The following TRAPPC9 variants were observed in gnomAD, a reference collection of about 807,000 sequenced individuals.
TRAPPC9 encodes IKK2 binding protein.
A neutral mutation model predicts 124.0 loss-of-function variants in TRAPPC9; 83 were observed. The observed-to-expected ratio is 0.67, with a 90% CI of 0.56 to 0.80. TRAPPC9 has a LOEUF of 0.80. Among genes scored for constraint, TRAPPC9 ranks in the 30% least tolerant of loss-of-function variants. The probability of loss-of-function intolerance (pLI) is 0.00; values close to 1 mark genes in which losing one functional copy is unlikely to be tolerated. For missense variants in TRAPPC9, 1,302 were observed against 1,508.3 expected, an observed-to-expected ratio of 0.86 and a Z score of 2.27; for synonymous variants, 638 against 617.5, an observed-to-expected ratio of 1.03 and a Z score of -0.49.
intron 19 of TRAPPC9, among the ~76,000 whole-genome samples, chr8:139,958,904 G>GGGAGCACTGCATTCCGA (rs1835175361): frequency 9.2e-6 from 1 of 109,104 alleles, no homozygotes; most frequent in Non-Finnish European, 2.2e-5. Flanking sequence ...AGTCACACAG[G>GGGAGCACTGCATTCCGA]GGAGCACTGC....
At chr8:139,806,629 C>T (rs1824080609) in intron 21 of TRAPPC9, among the ~76,000 whole-genome samples, 1 of 152,218 alleles carries the variant, frequency 6.6e-6, no homozygotes, top group Admixed American at 6.5e-5. Context: ...TCCTGAACCC[C>T]CATCCTGACT....
chr8:139,969,898 G>A lies in TRAPPC9; in HGVS notation c.2810+18828C>T, dbSNP rs565419107. On this transcript the variant is annotated intron_variant, in intron 19 of 22. Transcript: ENST00000438773. ...ATTATGTCAGCCTCATTTCACTTTG[G>A]TTTTGCCGCCAACAGTTCTAACAGG... is the stretch of plus-strand genomic sequence containing the variant. Among the ~76,000 whole-genome samples, 5 of 152,316 alleles carry A rather than the reference G, an allele frequency of 3.3e-5. No individual in the cohort carries two copies. The South Asian group carries it at 1.0e-3, about 32-fold the overall frequency.
At chr8:140,323,880 CT>C (rs2066665639) in intron 9 of TRAPPC9, among the ~76,000 whole-genome samples, 1 of 133,928 alleles carries the variant, frequency 7.5e-6, no homozygotes, top group Non-Finnish European at 1.6e-5. Flanking sequence ...AGGAAACAAA[CT>C]TTTTTAAAAA....
At chr8:140,046,527 T>G (rs111807282) in intron 17 of TRAPPC9, among the ~76,000 whole-genome samples, 3 of 152,352 alleles carry the variant, frequency 2.0e-5, no homozygotes, top group African/African-American at 7.2e-5. Flanking sequence ...AAGGAGCCCC[T>G]GCTGTCCACA....
At chr8:140,280,207 T>C (rs1232433448) in intron 14 of TRAPPC9, among the ~76,000 whole-genome samples, 2 of 152,336 alleles carry the variant, frequency 1.3e-5, no homozygotes, top group East Asian at 3.9e-4. Flanking sequence ...AGTCTGAGCG[T>C]CTGGCTGTTC....
At chr8:140,281,102 G>A (rs973831628) in intron 14 of TRAPPC9, among the ~76,000 whole-genome samples, 2 of 152,168 alleles carry the variant, frequency 1.3e-5, no homozygotes, top group African/African-American at 2.4e-5. Flanking sequence ...ATGAACACTC[G>A]CACACAGGTT....
intron 21 of TRAPPC9, among the ~76,000 whole-genome samples, chr8:139,740,751 G>A (rs1237537218): frequency 1.3e-5 from 2 of 152,234 alleles, no homozygotes; most frequent in Non-Finnish European, 2.9e-5. Context: ...TGGGGACGGG[G>A]CCCCAACTGG....
Position 140,370,999 on chromosome 8 carries a change from T to C in TRAPPC9, c.1316A>G (p.Tyr439Cys), listed in dbSNP as rs1273595223. Residue 439 changes from tyrosine (Y) to cysteine (C), a missense_variant, in exon 8 of 23, where the codon TAC becomes TGC. Physicochemically the swap from Tyr to Cys is radical, Grantham distance 194. Transcript: ENST00000438773. ...YKLLLETLPG[Y>C]SLSLDPKDFS... ...ATCTTTGGGATCCAGCGACAGACTG[T>C]AGCCGGGCAGCGTTTCCAGGAGGAG... 3.1e-6 allele frequency: 5 copies of C among 1,614,258 alleles called. No individual in the cohort carries two copies. The highest frequency in any genetic ancestry group is 2.2e-5 in the East Asian group (1 of 44,884).
intron 15 of TRAPPC9, chr8:140,262,509 A>C (rs984150664): frequency 6.7e-6 from 1 of 149,378 alleles, no homozygotes; most frequent in Non-Finnish European, 1.5e-5. Flanking sequence ...AGCCGCTGCA[A>C]TTGTGTATAC....
chr8:139,931,123 T>C (rs1833116327), intron 19 of TRAPPC9: 1 of 152,150 alleles, frequency 6.6e-6, no homozygotes, highest in South Asian at 2.1e-4. Context: ...ACCCCACCTC[T>C]ATAACCGCAA....
chr8:140,043,700 G>C (rs1841407944), intron 17 of TRAPPC9, among the ~76,000 whole-genome samples: 1 of 151,726 alleles, frequency 6.6e-6, no homozygotes, highest in South Asian at 2.1e-4. Flanking sequence ...TTACAGGTTA[G>C]AGAGGGGCCC....
chr8:140,093,295 C>T (rs1267509509), intron 17 of TRAPPC9, among the ~76,000 whole-genome samples: 1 of 152,142 alleles, frequency 6.6e-6, no homozygotes, highest in African/African-American at 2.4e-5. Flanking sequence ...GTGTTCCTTG[C>T]CTAGTCTTGG....
intron 5 of TRAPPC9, among the ~76,000 whole-genome samples, chr8:140,406,832 A>T (rs185129358): frequency 1.2e-3 from 176 of 152,342 alleles, no homozygotes; most frequent in Admixed American, 2.5e-3. Context: ...AGCAAGAGAC[A>T]AGAGGGAAGA....
At chr8:140,199,519 GCCTTTCTTCCTTCC>G (rs2062742253) in intron 17 of TRAPPC9, among the ~76,000 whole-genome samples, 2 of 149,440 alleles carry the variant, frequency 1.3e-5, no homozygotes, top group Non-Finnish European at 3.0e-5. Flanking sequence ...CGCCCCCAGA[GCCTTTCTTCCTTCC>G]ACTGCATCAT....
At chr8:140,175,035 A>C (rs2062035342) in intron 17 of TRAPPC9, among the ~76,000 whole-genome samples, 1 of 150,806 alleles carries the variant, frequency 6.6e-6, no homozygotes, top group African/African-American at 2.4e-5. Flanking sequence ...ACCGAAAGTC[A>C]AAGATACTTA....
In TRAPPC9 at chr8:140,003,072, C is replaced by T. The variant is rs576805714; in HGVS notation, c.2700-14236G>A. On this transcript the variant is annotated intron_variant, in intron 18 of 22. Transcript: ENST00000438773. ...CACTGTTAAATGAATGAAAAAGTTA[C>T]GGAATTGAAGAAAACATTTACAAAT... Among the ~76,000 whole-genome samples, 179 of 151,882 alleles carry T rather than the reference C, an allele frequency of 1.2e-3. 1 individual carries two copies. The highest frequency in any genetic ancestry group is 3.1e-3 in the African/African-American group (129 of 41,442).
chr8:140,296,619 T>C (rs1434182929), intron 11 of TRAPPC9, among the ~76,000 whole-genome samples: 1 of 152,210 alleles, frequency 6.6e-6, no homozygotes, highest in Non-Finnish European at 1.5e-5. Flanking sequence ...CTACAATCCA[T>C]GCCATCAGTG....
chr8:140,156,145 C>T (rs1336261896), intron 17 of TRAPPC9, among the ~76,000 whole-genome samples: 2 of 152,246 alleles, frequency 1.3e-5, no homozygotes, highest in Admixed American at 1.3e-4. Context: ...AGAACCACCA[C>T]AACACCAGGC....
chr8:140,098,907 G>A (rs1442047733), intron 17 of TRAPPC9: 5 of 151,806 alleles, frequency 3.3e-5, no homozygotes, highest in Non-Finnish European at 5.9e-5. Context: ...GCCGTGCACA[G>A]GGGAGGACAC....
Sources: allele counts gnomAD v4.1 joint callset (sites outside exome capture counted in the v4.1 genomes callset), GRCh38; gene constraint gnomAD v4.1.1; transcripts MANE v1.5; gene names NCBI Gene and HGNC (gene_info 2026-07-23, HGNC 2026-07-21).